Variants in SMYD3 observed in about 807,000 individuals in gnomAD.
The protein encoded by SMYD3 is SET and MYND domain containing 3.
Under a neutral mutation model 57.7 loss-of-function variants are expected in SMYD3, and 36 were observed. That is an observed-to-expected ratio of 0.62 (90% CI 0.48 to 0.82). The LOEUF is 0.82. Among genes scored for constraint, SMYD3 ranks in the 40% least tolerant of loss-of-function variants. The pLI is 0.00. For synonymous variants in SMYD3, 211 were observed against 195.0 expected, an observed-to-expected ratio of 1.08 and a Z score of -0.68; for missense variants, 515 against 538.8, an observed-to-expected ratio of 0.96 and a Z score of 0.44.
chr1:246,264,763 C>T (rs2064072387), intron 5 of SMYD3, among the ~76,000 whole-genome samples: 1 of 152,126 alleles, frequency 6.6e-6, no homozygotes, highest in Non-Finnish European at 1.5e-5. Context: ...CTGTTAGTGG[C>T]TCTGCTATAG....
rs567972555 is a variant in SMYD3 at position 246,378,489 on chromosome 1, T to C, written c.165-23395A>G. Among the ~76,000 whole-genome samples, 7 of 151,248 alleles carry C rather than the reference T, an allele frequency of 4.6e-5. No homozygotes were observed. In the East Asian group the frequency reaches 9.8e-4, roughly 21 times the overall value. On this transcript the variant is annotated intron_variant, in intron 1 of 11. Transcript: ENST00000490107. ...CTGGCCTAGTCTCCCAGCCTACATC[T>C]TTCTCCCATGCAATGCTTCCTGCCC...
intron 1 of SMYD3, among the ~76,000 whole-genome samples, chr1:246,448,704 TAAAA>T (rs1553349829): frequency 2.5e-5 from 2 of 81,438 alleles, no homozygotes; most frequent in African/African-American, 1.1e-4. Flanking sequence ...CTCTTTTTTT[TAAAA>T]AAAAAAAAAA....
intron 8 of SMYD3, among the ~76,000 whole-genome samples, chr1:245,866,474 G>A (rs540616754): frequency 3.0e-4 from 46 of 152,252 alleles, no homozygotes; most frequent in African/African-American, 1.0e-3. Context: ...GCTCATGCCT[G>A]TAATCCCACC....
intron 5 of SMYD3, among the ~76,000 whole-genome samples, chr1:246,074,339 T>C (rs2060507989): frequency 6.6e-6 from 1 of 151,214 alleles, no homozygotes; most frequent in African/African-American, 2.5e-5. Context: ...ATTATCTTCC[T>C]TTTTTATTGG....
In SMYD3 at chr1:245,753,118, G is replaced by A. The variant is rs558733896; in HGVS notation, c.1186-3454C>T. Among the ~76,000 whole-genome samples, 4 of 152,252 alleles carry A rather than the reference G, an allele frequency of 2.6e-5. No individual in the cohort carries two copies. In the East Asian group the frequency reaches 5.8e-4, roughly 22 times the overall value. ...CTGAATGCATCACCAGTAGCAAAGG[G>A]GAACAGGGGCAACCCTCAGGAATGT... On this transcript the variant is annotated intron_variant, in intron 11 of 11. Coordinates refer to ENST00000490107, the MANE Select transcript of SMYD3 (RefSeq NM_001167740.2).
At chr1:245,813,888 A>G (rs1258961754) in intron 10 of SMYD3, among the ~76,000 whole-genome samples, 1 of 98,890 alleles carries the variant, frequency 1.0e-5, no homozygotes, top group Non-Finnish European at 1.9e-5. Flanking sequence ...ATATATATAT[A>G]TATATATATA....
At chr1:246,149,743 G>A (rs968647014) in intron 5 of SMYD3, among the ~76,000 whole-genome samples, 3 of 152,182 alleles carry the variant, frequency 2.0e-5, no homozygotes, top group African/African-American at 7.2e-5. Context: ...AATATGCCAA[G>A]TAGACAGAAT....
At chr1:246,050,078 T>C (rs1194098805) in intron 5 of SMYD3, among the ~76,000 whole-genome samples, 1 of 152,206 alleles carries the variant, frequency 6.6e-6, no homozygotes, top group Non-Finnish European at 1.5e-5. Context: ...ACGAAATACT[T>C]AGAGATTAGG....
intron 5 of SMYD3, among the ~76,000 whole-genome samples, chr1:246,144,549 TAA>T: frequency 6.6e-6 from 1 of 152,296 alleles, no homozygotes; most frequent in South Asian, 2.1e-4. Flanking sequence ...ATGGGCAAAG[TAA>T]TATACCCTCC....
intron 5 of SMYD3, among the ~76,000 whole-genome samples, chr1:246,316,604 C>T (rs1422625465): frequency 7.4e-6 from 1 of 134,726 alleles, no homozygotes; most frequent in Admixed American, 8.0e-5. Context: ...TGGTCTTGAA[C>T]TCCTGACCTC....
At chr1:245,994,086 C>T (rs1248434592) in intron 5 of SMYD3, among the ~76,000 whole-genome samples, 1 of 152,160 alleles carries the variant, frequency 6.6e-6, no homozygotes, top group African/African-American at 2.4e-5. Context: ...TCCATCATCG[C>T]TCTCTCAACT....
intron 5 of SMYD3, among the ~76,000 whole-genome samples, chr1:246,286,881 T>G (rs896877639): frequency 4.6e-5 from 5 of 108,746 alleles, no homozygotes; most frequent in Non-Finnish European, 8.4e-5. Flanking sequence ...TTTTTTTTTG[T>G]TTTTTTTTTT....
At chr1:246,227,054 T>G (rs908706853) in intron 5 of SMYD3, among the ~76,000 whole-genome samples, 86 of 152,340 alleles carry the variant, frequency 5.6e-4, no homozygotes, top group African/African-American at 2.0e-3. Flanking sequence ...TATTAAATTC[T>G]AAACCTCAAC....
At chr1:245,875,121 A>T (rs892518445) in intron 8 of SMYD3, among the ~76,000 whole-genome samples, 1 of 152,246 alleles carries the variant, frequency 6.6e-6, no homozygotes, top group Non-Finnish European at 1.5e-5. Context: ...TGATTCCAGT[A>T]AACTCCAGGC....
intron 1 of SMYD3, among the ~76,000 whole-genome samples, chr1:246,423,417 T>C (rs1382587318): frequency 6.6e-6 from 1 of 152,112 alleles, no homozygotes; most frequent in Non-Finnish European, 1.5e-5. Context: ...ATGGTCTGCA[T>C]GAACCAGGAG....
At chr1:245,856,369 C>T (rs1572522114) in intron 10 of SMYD3, among the ~76,000 whole-genome samples, 1 of 152,192 alleles carries the variant, frequency 6.6e-6, no homozygotes, top group Non-Finnish European at 1.5e-5. Context: ...AAAAGCAACT[C>T]AACACACGCC....
intron 5 of SMYD3, chr1:246,186,937 CT>C (rs2062650449): frequency 1.0e-6 from 1 of 985,184 alleles, no homozygotes; most frequent in South Asian, 4.7e-5. Flanking sequence ...CAACTTTTCG[CT>C]GTGACTGAAG....
intron 8 of SMYD3, among the ~76,000 whole-genome samples, chr1:245,871,982 C>T (rs922002523): frequency 3.3e-5 from 5 of 152,190 alleles, no homozygotes; most frequent in African/African-American, 1.2e-4. Context: ...ATTCCCTTTG[C>T]CGGGAAGGCT....
intron 1 of SMYD3, among the ~76,000 whole-genome samples, chr1:246,469,524 T>A (rs941675754): frequency 6.6e-6 from 1 of 152,152 alleles, no homozygotes; most frequent in Non-Finnish European, 1.5e-5. Context: ...GAAGCCAGCT[T>A]GAAGGGGCTC....
Sources: allele counts gnomAD v4.1 joint callset (sites outside exome capture counted in the v4.1 genomes callset), GRCh38; gene constraint gnomAD v4.1.1; transcripts MANE v1.5; gene names NCBI Gene and HGNC (gene_info 2026-07-23, HGNC 2026-07-21).